The following PLCB1 variants were observed in gnomAD, a reference collection of about 807,000 sequenced individuals.
PLCB1 encodes the protein 1-phosphatidylinositol 4,5-bisphosphate phosphodiesterase beta-1.
PLCB1 carries 46 observed loss-of-function variants against 161.8 expected under a neutral mutation model. The observed-to-expected ratio is 0.28, with a 90% CI of 0.22 to 0.36. The LOEUF is 0.36. Among genes scored for constraint, PLCB1 ranks in the 10% least tolerant of loss-of-function variants. PLCB1 has a pLI of 1.00. For synonymous variants in PLCB1, 517 were observed against 503.7 expected (o/e 1.03, Z -0.35); for missense variants, 1,016 against 1,472.5 (o/e 0.69, Z 5.07).
At chr20:8,807,476 G>A (rs16995280) in intron 31 of PLCB1, among the ~76,000 whole-genome samples, 10,966 of 151,896 alleles carry the variant, frequency 0.072, 1,087 homozygotes, top group African/African-American at 0.22. Flanking sequence ...CTTATCAATA[G>A]TAAAATAAAT....
chr20:8,373,529 G>A (rs531594927), intron 3 of PLCB1, among the ~76,000 whole-genome samples: 3 of 152,198 alleles, frequency 2.0e-5, no homozygotes, highest in South Asian at 2.1e-4. Flanking sequence ...TGTGTTTTCC[G>A]CCTCCAGAAA....
chr20:8,169,197 C>T (rs891016671), intron 2 of PLCB1, among the ~76,000 whole-genome samples: 2 of 152,118 alleles, frequency 1.3e-5, no homozygotes, highest in Admixed American at 6.5e-5. Context: ...CAGCCTACTG[C>T]CATCTCTTTA....
At chr20:8,582,936 C>A (rs1457248051) in intron 3 of PLCB1, among the ~76,000 whole-genome samples, 1 of 150,202 alleles carries the variant, frequency 6.7e-6, no homozygotes, top group Non-Finnish European at 1.5e-5. Context: ...TTGCAGTGAG[C>A]CGAGATCACA....
intron 2 of PLCB1, among the ~76,000 whole-genome samples, chr20:8,271,572 G>A (rs1982282640): frequency 6.6e-6 from 1 of 152,020 alleles, no homozygotes; most frequent in African/African-American, 2.4e-5. Context: ...AGAAATTTCT[G>A]CAGAGGCTCC....
At chr20:8,257,722 T>G (rs1409563512) in intron 2 of PLCB1, among the ~76,000 whole-genome samples, 1 of 152,190 alleles carries the variant, frequency 6.6e-6, no homozygotes, top group Non-Finnish European at 1.5e-5. Flanking sequence ...CTGTCAACAC[T>G]ACAGTTGGTT....
At chr20:8,575,490 C>T (rs577257520) in intron 3 of PLCB1, among the ~76,000 whole-genome samples, 6 of 152,182 alleles carry the variant, frequency 3.9e-5, no homozygotes, top group African/African-American at 9.7e-5. Flanking sequence ...GAGCATCATG[C>T]GAAGTGGACA....
At chr20:8,709,106 C>T (rs1278907996) in intron 12 of PLCB1, among the ~76,000 whole-genome samples, 1 of 152,142 alleles carries the variant, frequency 6.6e-6, no homozygotes, top group Non-Finnish European at 1.5e-5. Flanking sequence ...CCTTCTATTG[C>T]ACACAATTTG....
intron 31 of PLCB1, among the ~76,000 whole-genome samples, chr20:8,806,876 T>C (rs1984564238): frequency 6.6e-6 from 1 of 152,214 alleles, no homozygotes; most frequent in South Asian, 2.1e-4. Flanking sequence ...AGAAAAGGGC[T>C]TCTTTGGAAC....
chr20:8,498,157 G>A (rs1038571723), intron 3 of PLCB1, among the ~76,000 whole-genome samples: 1 of 152,148 alleles, frequency 6.6e-6, no homozygotes, highest in Non-Finnish European at 1.5e-5. Context: ...GAGTGCAGTG[G>A]CACGATCTCA....
chr20:8,834,629 A>G (rs577628115), intron 31 of PLCB1, among the ~76,000 whole-genome samples: 1 of 152,148 alleles, frequency 6.6e-6, no homozygotes, highest in South Asian at 2.1e-4. Context: ...AGCCTGGCCA[A>G]CATGGTGAAA....
intron 11 of PLCB1, among the ~76,000 whole-genome samples, chr20:8,702,719 G>A (rs1374695063): frequency 6.6e-6 from 1 of 152,136 alleles, no homozygotes; most frequent in Non-Finnish European, 1.5e-5. Context: ...TTGATAAAGA[G>A]CAATGGAGCA....
intron 31 of PLCB1, among the ~76,000 whole-genome samples, chr20:8,808,615 C>T (rs989610924): frequency 2.6e-5 from 4 of 152,182 alleles, no homozygotes; most frequent in Non-Finnish European, 4.4e-5. Flanking sequence ...ATCTATTTAC[C>T]TAGCATCTGG....
intron 10 of PLCB1, among the ~76,000 whole-genome samples, chr20:8,689,565 C>G (rs554529680): frequency 6.8e-4 from 104 of 152,140 alleles, no homozygotes; most frequent in African/African-American, 2.5e-3. Context: ...AATCTTGATA[C>G]CTAACAGATT....
intron 2 of PLCB1, among the ~76,000 whole-genome samples, chr20:8,347,142 G>C (rs972904707): frequency 1.3e-5 from 2 of 152,134 alleles, no homozygotes; most frequent in African/African-American, 2.4e-5. Context: ...GCTATAAACA[G>C]AAAAGAATTA....
At chr20:8,707,599 G>A (rs1203354901) in intron 11 of PLCB1, among the ~76,000 whole-genome samples, 2 of 152,106 alleles carry the variant, frequency 1.3e-5, no homozygotes, top group Non-Finnish European at 2.9e-5. Context: ...AAATACATGA[G>A]GGACTGTAAG....
intron 3 of PLCB1, among the ~76,000 whole-genome samples, chr20:8,574,343 G>A (rs1986609668): frequency 6.6e-6 from 1 of 152,170 alleles, no homozygotes; most frequent in South Asian, 2.1e-4. Context: ...AGGTTGCACT[G>A]AGCCAAGATC....
rs370758325 is a variant in PLCB1, at chr20:8,380,105, A to G, written c.246+8655A>G. ...GGATTTTTATGGTTTTGGGTTTTAC[A>G]TTTAAGTCTTTAATCCATCTTGAGT... On this transcript the variant is annotated intron_variant, in intron 3 of 31. Coordinates refer to ENST00000338037, the MANE Select transcript of PLCB1 (RefSeq NM_015192.4). 9.9e-5 allele frequency among the ~76,000 whole-genome samples: 15 copies of G among 152,282 alleles called. No homozygotes were observed. The East Asian group carries it at 1.9e-3, about 20-fold the overall frequency.
At chr20:8,361,238 T>C (rs1986532122) in intron 2 of PLCB1, among the ~76,000 whole-genome samples, 1 of 152,228 alleles carries the variant, frequency 6.6e-6, no homozygotes, top group Non-Finnish European at 1.5e-5. Context: ...ATAAGCACAG[T>C]AGTCTGAAGA....
At chr20:8,256,119 C>G (rs1981399011) in intron 2 of PLCB1, among the ~76,000 whole-genome samples, 1 of 152,058 alleles carries the variant, frequency 6.6e-6, no homozygotes, top group Non-Finnish European at 1.5e-5. Flanking sequence ...CAACTAAGGA[C>G]ACATTTCTCA....
Sources: gnomAD v4.1 joint callset for allele counts (sites outside exome capture counted in the v4.1 genomes callset) on GRCh38, gnomAD v4.1.1 for gene constraint, MANE v1.5 for transcripts, NCBI Gene and HGNC (gene_info 2026-07-23, HGNC 2026-07-21) for gene names.